The following EXOC4 variants were observed in gnomAD, a reference collection of about 807,000 sequenced individuals.
The protein encoded by EXOC4 is exocyst complex component 4, also known as SEC8-like 1.
A neutral mutation model predicts 107.2 loss-of-function variants in EXOC4; 71 were observed. The ratio of observed to expected loss-of-function variants is 0.66; its 90% CI spans 0.55 to 0.81. EXOC4 has a LOEUF of 0.81. EXOC4 is among the 30% of genes least tolerant of loss of function. EXOC4 has a pLI of 0.00. For synonymous variants in EXOC4, 456 were observed against 441.2 expected (o/e 1.03, Z -0.42); for missense variants, 1,108 against 1,189.6 (o/e 0.93, Z 1.01).
chr7:133,786,682 A>T (rs1796575347), intron 10 of EXOC4, among the ~76,000 whole-genome samples: 2 of 152,216 alleles, frequency 1.3e-5, no homozygotes, highest in Admixed American at 1.3e-4. Flanking sequence ...GTGTCACTTT[A>T]CATTTTACTG....
chr7:133,508,957 T>G (rs1417042723), intron 9 of EXOC4, among the ~76,000 whole-genome samples: 1 of 152,212 alleles, frequency 6.6e-6, no homozygotes, highest in Admixed American at 6.5e-5. Flanking sequence ...GACTTTCTTT[T>G]GATTATTTTT....
intron 7 of EXOC4, among the ~76,000 whole-genome samples, chr7:133,440,402 T>C (rs1459260713): frequency 2.6e-5 from 4 of 152,042 alleles, no homozygotes; most frequent in African/African-American, 9.7e-5. Context: ...CCAAGTACTT[T>C]TAGCCTTAGA....
At chr7:134,080,956 A>G in the EXOC4 span, among the ~76,000 whole-genome samples, 1 of 152,102 alleles carries the variant, frequency 6.6e-6, no homozygotes, top group Non-Finnish European at 1.5e-5. Flanking sequence ...AATTGTAAAC[A>G]CATAAATAAA....
chr7:133,706,192 G>T (rs1585092106), intron 10 of EXOC4, among the ~76,000 whole-genome samples: 1 of 152,132 alleles, frequency 6.6e-6, no homozygotes, highest in Non-Finnish European at 1.5e-5. Context: ...TTCTGTATCT[G>T]TGTGTGTGAA....
chr7:133,991,396 T>A (rs1254498068), intron 14 of EXOC4, among the ~76,000 whole-genome samples: 10 of 152,148 alleles, frequency 6.6e-5, no homozygotes, highest in Non-Finnish European at 1.2e-4. Flanking sequence ...TCATTATATA[T>A]GTTGTCTCTT....
intron 9 of EXOC4, among the ~76,000 whole-genome samples, chr7:133,580,783 A>G (rs1801247695): frequency 6.6e-6 from 1 of 152,200 alleles, no homozygotes; most frequent in Non-Finnish European, 1.5e-5. Context: ...ATCTTAGTGT[A>G]GTGACTTCCA....
intron 12 of EXOC4, among the ~76,000 whole-genome samples, chr7:133,915,853 G>C (rs1385736768): frequency 6.6e-6 from 1 of 152,196 alleles, no homozygotes; most frequent in African/African-American, 2.4e-5. Context: ...TGGTTACTAT[G>C]AGAAAACATT....
chr7:133,687,321 G>C (rs1562907996), intron 10 of EXOC4, among the ~76,000 whole-genome samples: 1 of 151,822 alleles, frequency 6.6e-6, no homozygotes, highest in Admixed American at 6.6e-5. Context: ...CTCAGGTGAT[G>C]GGTGCACCAA....
At chr7:133,845,310 C>A (rs920513154) in intron 11 of EXOC4, among the ~76,000 whole-genome samples, 4 of 147,238 alleles carry the variant, frequency 2.7e-5, no homozygotes, top group African/African-American at 1.0e-4. Context: ...CAGCATGGGC[C>A]AACTAGCATG....
chr7:133,644,377 G>T (rs995859507), intron 10 of EXOC4, among the ~76,000 whole-genome samples: 1 of 152,118 alleles, frequency 6.6e-6, no homozygotes, highest in Non-Finnish European at 1.5e-5. Flanking sequence ...TATTCCCATT[G>T]TATTTAAATT....
chr7:134,086,412 C>T, the EXOC4 span, among the ~76,000 whole-genome samples: 7 of 152,136 alleles, frequency 4.6e-5, no homozygotes, highest in Non-Finnish European at 1.0e-4. Context: ...GTAAACAATT[C>T]CTTTCAGGCT....
intron 10 of EXOC4, among the ~76,000 whole-genome samples, chr7:133,769,949 T>C (rs1796212434): frequency 6.6e-6 from 1 of 151,838 alleles, no homozygotes; most frequent in South Asian, 2.1e-4. Context: ...TCTGCTGTTT[T>C]TAAATGTCAG....
chr7:133,284,350 A>C (rs1024627535), intron 2 of EXOC4, among the ~76,000 whole-genome samples: 1 of 152,136 alleles, frequency 6.6e-6, no homozygotes, highest in African/African-American at 2.4e-5. Context: ...ACCGTTACAC[A>C]TAGAGGAAAA....
chr7:133,272,494 T>G (rs996193518), intron 1 of EXOC4, among the ~76,000 whole-genome samples: 1 of 152,136 alleles, frequency 6.6e-6, no homozygotes, highest in Non-Finnish European at 1.5e-5. Context: ...CTATAAAATG[T>G]GCAACACAGC....
chr7:133,290,271 G>A (rs1193524354), intron 3 of EXOC4, among the ~76,000 whole-genome samples: 1 of 152,166 alleles, frequency 6.6e-6, no homozygotes, highest in Non-Finnish European at 1.5e-5. Flanking sequence ...ACTCCAGCCT[G>A]GGCGATAGAG....
intron 10 of EXOC4, among the ~76,000 whole-genome samples, chr7:133,764,494 C>T (rs1399573380): frequency 6.6e-6 from 1 of 151,928 alleles, no homozygotes; most frequent in Admixed American, 6.6e-5. Flanking sequence ...CAGGACTTAG[C>T]CCAGGAGTGT....
intron 9 of EXOC4, among the ~76,000 whole-genome samples, chr7:133,589,268 C>G (rs1801483502): frequency 6.6e-6 from 1 of 152,152 alleles, no homozygotes. Context: ...GGCTAACTTT[C>G]TCAAAACTCT....
chr7:133,287,001 C>G (rs1211215710), intron 2 of EXOC4, among the ~76,000 whole-genome samples: 1 of 152,096 alleles, frequency 6.6e-6, no homozygotes, highest in South Asian at 2.1e-4. Flanking sequence ...ACTCAGTACC[C>G]CTGCCATTAG....
At chr7:134,080,561 G>C in the EXOC4 span, among the ~76,000 whole-genome samples, 1 of 152,048 alleles carries the variant, frequency 6.6e-6, no homozygotes, top group Admixed American at 6.6e-5. Flanking sequence ...AGGAAGACTA[G>C]TCAGTGATCA....
Sources: gnomAD v4.1 joint callset for allele counts (sites outside exome capture counted in the v4.1 genomes callset) on GRCh38, gnomAD v4.1.1 for gene constraint, MANE v1.5 for transcripts, NCBI Gene and HGNC (gene_info 2026-07-23, HGNC 2026-07-21) for gene names.